SACS: variants seen among roughly 807,000 people sequenced by gnomAD.
SACS encodes the protein sacsin molecular chaperone, also known as sacsin.
In SACS, 197 loss-of-function variants were observed where a neutral mutation model predicts 348.0. The observed-to-expected ratio is 0.57, with a 90% confidence interval of 0.50 to 0.64. SACS has a LOEUF of 0.64. Ranked by LOEUF, SACS falls within the 30% of genes least tolerant of loss-of-function variation. The pLI, the probability that SACS is intolerant of heterozygous loss-of-function variation, is 0.00. For synonymous variants in SACS, 1,985 were observed against 1,910.6 expected (o/e 1.04, Z -1.02); for missense variants, 4,999 against 5,360.8 (o/e 0.93, Z 2.11).
intron 1 of SACS, among the ~76,000 whole-genome samples, chr13:23,429,865 A>G (rs1874365102): frequency 6.6e-6 from 1 of 152,178 alleles, no homozygotes; most frequent in African/African-American, 2.4e-5. Flanking sequence ...TAAAATGAAC[A>G]TAGATCTGTT....
chr13:23,385,847 T>C (rs1872272283), intron 2 of SACS, among the ~76,000 whole-genome samples: 1 of 152,230 alleles, frequency 6.6e-6, no homozygotes, highest in Non-Finnish European at 1.5e-5. Context: ...ATGGATGCTG[T>C]GTTAGCAGGC....
chr13:23,402,650 A>C (rs1363755831), intron 2 of SACS, among the ~76,000 whole-genome samples: 1 of 152,236 alleles, frequency 6.6e-6, no homozygotes, highest in Non-Finnish European at 1.5e-5. Flanking sequence ...GACAGTTTTA[A>C]GGAATGAAGG....
Position 23,354,500 on chromosome 13 carries a change from T to C in SACS, c.2093+19A>G, listed in dbSNP as rs1474452578. On this transcript the variant is annotated intron_variant, in intron 8 of 9. Transcript: ENST00000382292. ...GGAACCCTAAGAGTGAACAGGAATG[T>C]TAGAAGGGGGACCCCTACCTTGGAT... 1.2e-6 allele frequency: 2 copies of C among 1,609,294 alleles called. No individual in the cohort carries two copies. Among genetic ancestry groups the C allele is most frequent in the Admixed American group, 3.3e-5 (2 of 59,998 alleles).
At position 23,333,988 on chromosome 13, in the gene SACS, A is replaced by C. The variant is rs755440793; in HGVS notation, c.9888T>G (p.Pro3296=). Residue 3296 remains proline, a synonymous_variant, in exon 10 of 10, where the codon CCT becomes CCG. Transcript: ENST00000382292. ...TGAGAGGAAGCAGAACATCTCCTTC[A>C]GGAACCACAAGCTGGTTGGCTGAAA... The part of the protein sequence containing the change: ...FTVSANQLVV[P]EGDVLLPLSL... 1.2e-5 allele frequency: 20 copies of C among 1,613,928 alleles called. No homozygotes were observed. Among genetic ancestry groups the C allele is most frequent in the Non-Finnish European group, 1.5e-5 (18 of 1,179,852 alleles).
chr13:23,352,593 T>C (rs1362431463), intron 9 of SACS, among the ~76,000 whole-genome samples: 1 of 152,204 alleles, frequency 6.6e-6, no homozygotes, highest in East Asian at 1.9e-4. Flanking sequence ...CTGTTCTATA[T>C]GCATCTTATA....
At chr13:23,381,209 A>G (rs1273000561) in intron 2 of SACS, among the ~76,000 whole-genome samples, 1 of 152,212 alleles carries the variant, frequency 6.6e-6, no homozygotes, top group African/African-American at 2.4e-5. Context: ...AAGGGACTGA[A>G]ATCAACCCTT....
At chr13:23,368,335 T>G in intron 5 of SACS, 67 bp downstream of exon 5, 2 of 1,204,150 alleles carry the variant, frequency 1.7e-6, no homozygotes, top group South Asian at 1.4e-5. Context: ...AATAGGACTT[T>G]CAAGTAAATT....
intron 1 of SACS, among the ~76,000 whole-genome samples, chr13:23,419,681 C>T (rs767281930): frequency 3.3e-5 from 5 of 152,124 alleles, no homozygotes; most frequent in African/African-American, 9.7e-5. Flanking sequence ...GTCTTGCTCT[C>T]GGACTAGTTG....
At chr13:23,341,725 A>G in intron 9 of SACS, 35 bp from the exon 10 acceptor site, 1 of 1,556,990 alleles carries the variant, frequency 6.4e-7, no homozygotes, top group South Asian at 1.1e-5. Context: ...ATAAATACAT[A>G]TAATTCTACT....
At chr13:23,348,190 A>T (rs1869733106) in intron 9 of SACS, among the ~76,000 whole-genome samples, 1 of 152,252 alleles carries the variant, frequency 6.6e-6, no homozygotes, top group Non-Finnish European at 1.5e-5. Flanking sequence ...AATTAAAAAA[A>T]CAAAAATCAT....
Position 23,330,504 on chromosome 13 carries a change from A to C in SACS, c.13372T>G (p.Phe4458Val). 1 of 1,614,196 alleles carries C rather than the reference A, an allele frequency of 6.2e-7. No homozygotes were observed. The highest frequency in any genetic ancestry group is 8.5e-7 in the Non-Finnish European group (1 of 1,180,026). Reference protein sequence around the residue: ...RRWLRQARANFSAARNDLHKN... With the variant: ...RRWLRQARANVSAARNDLHKN... ...TGAAGGTCATTCCTGGCAGCTGAGAAGTTTGCTCTGGCTTGTCTTAGCCAT... is the reference window on the plus strand; with the variant it reads ...TGAAGGTCATTCCTGGCAGCTGAGACGTTTGCTCTGGCTTGTCTTAGCCAT... The change falls in exon 10 of 10, where the codon TTC (phenylalanine) becomes GTC (valine). Residue 4458 changes from phenylalanine to valine, a missense_variant. By Grantham distance (50) the Phe-to-Val change is conservative (BLOSUM62 -1). This residue lies in a region of SACS where 254 missense variants were observed against 275.1 expected (regional missense o/e 0.92). Coordinates refer to ENST00000382292, the MANE Select transcript of SACS (RefSeq NM_014363.6).
intron 6 of SACS, among the ~76,000 whole-genome samples, chr13:23,363,996 C>T (rs906844197): frequency 3.9e-5 from 6 of 152,116 alleles, no homozygotes; most frequent in African/African-American, 1.4e-4. Context: ...ATGATCTGAC[C>T]TCTGTGATGA....
chr13:23,420,268 G>A (rs1343910413), intron 1 of SACS, among the ~76,000 whole-genome samples: 1 of 152,146 alleles, frequency 6.6e-6, no homozygotes, highest in African/African-American at 2.4e-5. Context: ...ATCTATGTGG[G>A]GACTGGTGTC....
intron 2 of SACS, among the ~76,000 whole-genome samples, chr13:23,400,546 G>T (rs879338977): frequency 6.6e-6 from 1 of 152,044 alleles, no homozygotes; most frequent in Non-Finnish European, 1.5e-5. Context: ...TCAGCCTCCC[G>T]AGTAGCTGGG....
chr13:23,400,342 T>G (rs1179015031), intron 2 of SACS, among the ~76,000 whole-genome samples: 4 of 152,240 alleles, frequency 2.6e-5, no homozygotes, highest in Non-Finnish European at 5.9e-5. Context: ...CATGACTCCC[T>G]AGACCCCTTA....
At chr13:23,398,214 T>C (rs1872787173) in intron 2 of SACS, among the ~76,000 whole-genome samples, 1 of 148,722 alleles carries the variant, frequency 6.7e-6, no homozygotes, top group Admixed American at 6.8e-5. Flanking sequence ...AAAATTAAAT[T>C]AAATTTTAAA....
At position 23,336,289 on chromosome 13, in the gene SACS, G is replaced by A. The variant is rs1388865101; in HGVS notation, c.7587C>T (p.Thr2529=). Residue 2529 remains threonine, a synonymous_variant, in exon 10 of 10, where the codon ACC becomes ACT. Transcript: ENST00000382292. Reference sequence around the variant, plus strand: ...CATTAAGGATGCTCTTAATTCTGCTGGTCAATTTTTCTTTCTGCCCAAATT... The same window carrying A: ...CATTAAGGATGCTCTTAATTCTGCTAGTCAATTTTTCTTTCTGCCCAAATT... The part of the protein sequence containing the change: ...GTEFGQKEKL[T]SRIKSILNAY... The A allele has an allele frequency of 6.2e-7, 1 of 1,613,940 alleles. No individual in the cohort carries two copies. The highest frequency in any genetic ancestry group is 8.5e-7 in the Non-Finnish European group (1 of 1,179,970).
At chr13:23,401,424 C>T (rs955036040) in intron 2 of SACS, among the ~76,000 whole-genome samples, 1 of 152,186 alleles carries the variant, frequency 6.6e-6, no homozygotes, top group African/African-American at 2.4e-5. Context: ...GTTGTCCCAC[C>T]TTTCCAGACC....
Position 23,332,962 on chromosome 13 carries a change from A to T in SACS, c.10914T>A (p.Asp3638Glu). The T allele has an allele frequency of 6.2e-7, 1 of 1,613,920 alleles. No individual in the cohort carries two copies. Among genetic ancestry groups the T allele is most frequent in the African/African-American group, 1.3e-5 (1 of 75,042 alleles). ...LLHHIFQERM[D>E]LLSGNFLKEL... The stretch of plus-strand genomic sequence containing the variant: ...CTTTCAGAAAATTTCCAGATAACAA[A>T]TCCATTCGTTCTTGGAATATATGAT... Residue 3638 changes from aspartate (D) to glutamate (E), a missense_variant, in exon 10 of 10, where the codon GAT becomes GAA. By Grantham distance (45) the Asp-to-Glu change is conservative. Around this residue, in one of 6 missense-constraint regions of SACS, gnomAD observed 831 missense variants for 941.8 expected, o/e 0.88. Coordinates refer to ENST00000382292, the MANE Select transcript of SACS (RefSeq NM_014363.6).
Sources: allele counts gnomAD v4.1 joint callset (sites outside exome capture counted in the v4.1 genomes callset), GRCh38; gene constraint gnomAD v4.1.1; regional missense constraint gnomAD v4.1.1; transcripts MANE v1.5; gene names NCBI Gene and HGNC (gene_info 2026-07-23, HGNC 2026-07-21).